Variants in PEX5L observed in about 807,000 individuals in gnomAD.
PEX5L encodes PEX5-related protein.
Under a neutral mutation model 84.0 loss-of-function variants are expected in PEX5L, and 30 were observed. That is an observed-to-expected ratio of 0.36 (90% CI 0.27 to 0.48). The LOEUF is 0.48. Among genes scored for constraint, PEX5L ranks in the 20% least tolerant of loss-of-function variants. The probability of loss-of-function intolerance (pLI) is 0.99; values close to 1 mark genes in which losing one functional copy is unlikely to be tolerated. For synonymous variants in PEX5L, 270 were observed against 283.1 expected, an observed-to-expected ratio of 0.95 and a Z score of 0.46; for missense variants, 533 against 754.6, an observed-to-expected ratio of 0.71 and a Z score of 3.44.
intron 1 of PEX5L, among the ~76,000 whole-genome samples, chr3:180,022,301 A>G (rs1790491059): frequency 6.6e-6 from 1 of 152,180 alleles, no homozygotes; most frequent in South Asian, 2.1e-4. Flanking sequence ...ATGAATTGAG[A>G]TTAGTAAAAT....
At chr3:180,007,039 C>T (rs1464062978) in intron 1 of PEX5L, among the ~76,000 whole-genome samples, 2 of 152,168 alleles carry the variant, frequency 1.3e-5, no homozygotes, top group African/African-American at 4.8e-5. Context: ...GGCATTAACC[C>T]AAAAGTCCAC....
intron 8 of PEX5L, among the ~76,000 whole-genome samples, chr3:179,855,797 G>A (rs4855120): frequency 6.6e-6 from 1 of 152,032 alleles, no homozygotes; most frequent in African/African-American, 2.4e-5. Context: ...CAGCAAGAAG[G>A]TGCCATCTAT....
chr3:179,922,696 T>A (rs530142107), intron 2 of PEX5L, among the ~76,000 whole-genome samples: 1 of 151,976 alleles, frequency 6.6e-6, no homozygotes, highest in East Asian at 1.9e-4. Context: ...TCAAGTGATC[T>A]GCCCACTTCG....
intron 2 of PEX5L, among the ~76,000 whole-genome samples, chr3:179,970,231 T>G (rs984382269): frequency 6.6e-6 from 1 of 152,164 alleles, no homozygotes; most frequent in African/African-American, 2.4e-5. Flanking sequence ...CATATCTGTA[T>G]TCTCATAATA....
chr3:179,838,538 C>A (rs1486002347), intron 8 of PEX5L, among the ~76,000 whole-genome samples: 2 of 152,190 alleles, frequency 1.3e-5, no homozygotes, highest in Admixed American at 6.5e-5. Context: ...GATTGTAAAC[C>A]TATGTCTTTT....
chr3:179,813,746 G>T (rs1029513434), intron 10 of PEX5L, among the ~76,000 whole-genome samples: 6 of 147,390 alleles, frequency 4.1e-5, no homozygotes, highest in Non-Finnish European at 8.9e-5. Flanking sequence ...GCGCAATCTC[G>T]GCTCACTGCA....
chr3:179,909,698 T>G (rs2109180831), intron 2 of PEX5L, among the ~76,000 whole-genome samples: 1 of 152,312 alleles, frequency 6.6e-6, no homozygotes, highest in East Asian at 1.9e-4. Context: ...GAAACAGGGT[T>G]GTTAAAGAGG....
At chr3:179,992,093 C>T (rs779159368) in intron 1 of PEX5L, among the ~76,000 whole-genome samples, 9 of 152,012 alleles carry the variant, frequency 5.9e-5, no homozygotes, top group Non-Finnish European at 1.2e-4. Flanking sequence ...AATCAGACCC[C>T]AGAGAACAAA....
chr3:179,800,099 A>G lies in PEX5L; in HGVS notation c.*1729T>C, dbSNP rs757284453. On this transcript the variant is annotated 3_prime_UTR_variant, in exon 15 of 15. Coordinates refer to ENST00000467460, the MANE Select transcript of PEX5L (RefSeq NM_016559.3). Reference sequence around the variant, plus strand: ...AGGACTTGTGGTTTCTGTTAACTTGAGGCCCTCTCACAACCCAAGGACTTC... The same window carrying G: ...AGGACTTGTGGTTTCTGTTAACTTGGGGCCCTCTCACAACCCAAGGACTTC... The G allele has an allele frequency of 4.6e-5, 7 of 152,218 alleles. No homozygotes were observed. Among genetic ancestry groups the G allele is most frequent in the Non-Finnish European group, 8.8e-5 (6 of 68,046 alleles). The allele number at this position is 152,218 out of a possible 1,614,324, so 9.4% of individuals were successfully genotyped here.
chr3:179,976,637 CAT>C (rs1291187106), intron 1 of PEX5L, among the ~76,000 whole-genome samples: 1 of 152,086 alleles, frequency 6.6e-6, no homozygotes, highest in Non-Finnish European at 1.5e-5. Flanking sequence ...GGGGTTTTGC[CAT>C]GTTGGCCAGG....
At chr3:179,827,819 T>C (rs549539420) in intron 8 of PEX5L, among the ~76,000 whole-genome samples, 65 of 152,272 alleles carry the variant, frequency 4.3e-4, no homozygotes, top group African/African-American at 1.5e-3. Flanking sequence ...AGGCTGCAAA[T>C]TGGTAGCCTA....
intron 2 of PEX5L, among the ~76,000 whole-genome samples, chr3:179,961,195 A>ATGTGTGTGTGTG (rs1186882207): frequency 2.1e-5 from 3 of 139,824 alleles, no homozygotes; most frequent in Non-Finnish European, 4.8e-5. Context: ...TCACTTGTGT[A>ATGTGTGTGTGTG]TGTGTATGTG....
At chr3:179,887,820 G>T in intron 3 of PEX5L, 36 bp from the exon 4 acceptor site, 1 of 1,373,110 alleles carries the variant, frequency 7.3e-7, no homozygotes, top group Non-Finnish European at 1.0e-6. Flanking sequence ...AAAGGGCTTT[G>T]TTAAACTGCA....
intron 2 of PEX5L, among the ~76,000 whole-genome samples, chr3:179,948,320 T>G (rs1778156215): frequency 6.6e-6 from 1 of 152,242 alleles, no homozygotes; most frequent in Non-Finnish European, 1.5e-5. Context: ...AATTCTCACC[T>G]AGCAAGCTGT....
At chr3:179,942,945 T>C (rs1331577795) in intron 2 of PEX5L, among the ~76,000 whole-genome samples, 1 of 152,234 alleles carries the variant, frequency 6.6e-6, no homozygotes, top group African/African-American at 2.4e-5. Context: ...ATGGGCTATG[T>C]GTCCTCCAGC....
chr3:179,898,489 G>A (rs771984124), intron 2 of PEX5L: 5 of 355,156 alleles, frequency 1.4e-5, no homozygotes, highest in African/African-American at 1.0e-4. Flanking sequence ...TTTTAACATA[G>A]TATTTTATAT....
At chr3:179,855,418 G>A (rs1203412302) in intron 8 of PEX5L, among the ~76,000 whole-genome samples, 1 of 152,120 alleles carries the variant, frequency 6.6e-6, no homozygotes, top group Non-Finnish European at 1.5e-5. Flanking sequence ...GTCCTTTTAA[G>A]AATCTTATAT....
chr3:179,985,865 A>G (rs547037990), intron 1 of PEX5L, among the ~76,000 whole-genome samples: 2 of 151,654 alleles, frequency 1.3e-5, no homozygotes, highest in African/African-American at 2.4e-5. Flanking sequence ...CTTCCAGTCC[A>G]CTCTTGTGGA....
chr3:179,862,895 A>G (rs1254884473), intron 7 of PEX5L, among the ~76,000 whole-genome samples: 2 of 152,224 alleles, frequency 1.3e-5, no homozygotes, highest in Non-Finnish European at 2.9e-5. Context: ...TCTTGAGCAA[A>G]AAGAACAACA....
Sources: gnomAD v4.1 joint callset for allele counts (sites outside exome capture counted in the v4.1 genomes callset) on GRCh38, gnomAD v4.1.1 for gene constraint, MANE v1.5 for transcripts, NCBI Gene and HGNC (gene_info 2026-07-23, HGNC 2026-07-21) for gene names.